Variants in MYO18B observed in about 807,000 individuals in gnomAD.
MYO18B encodes unconventional myosin-XVIIIb.
Under a neutral mutation model 273.0 loss-of-function variants are expected in MYO18B, and 204 were observed. The ratio of observed to expected loss-of-function variants is 0.75; its 90% CI spans 0.67 to 0.84. The LOEUF (loss-of-function observed/expected upper bound fraction) is 0.84. Among genes scored for constraint, MYO18B ranks in the 40% least tolerant of loss-of-function variants. MYO18B has a pLI of 0.00. For missense variants in MYO18B, 3,212 were observed against 3,287.6 expected (o/e 0.98, Z 0.56); for synonymous variants, 1,330 against 1,305.7 (o/e 1.02, Z -0.40).
intron 15 of MYO18B, among the ~76,000 whole-genome samples, chr22:25,829,956 A>G (rs2089648365): frequency 6.6e-6 from 1 of 152,200 alleles, no homozygotes; most frequent in Non-Finnish European, 1.5e-5. Context: ...GTGTGTCTCT[A>G]TCACCCACGT....
chr22:25,984,989 ATTG>A (rs1179656026), intron 39 of MYO18B, among the ~76,000 whole-genome samples: 1 of 152,196 alleles, frequency 6.6e-6, no homozygotes, highest in Non-Finnish European at 1.5e-5. Context: ...GACAGGAGGT[ATTG>A]TTGGGTATTT....
intron 10 of MYO18B, among the ~76,000 whole-genome samples, chr22:25,783,125 G>T (rs2087233133): frequency 6.6e-6 from 1 of 152,274 alleles, no homozygotes; most frequent in Non-Finnish European, 1.5e-5. Context: ...CAAATGCTTT[G>T]TGTGTGTGTG....
intron 28 of MYO18B, chr22:25,897,643 G>T (rs1387306585): frequency 6.6e-6 from 1 of 152,188 alleles, no homozygotes; most frequent in African/African-American, 2.4e-5. Flanking sequence ...AGAATTACAG[G>T]CTTCATTAAC....
In MYO18B at chr22:25,855,427, G is replaced by T. The variant is rs549403510; in HGVS notation, c.3885+3848G>T. 5.9e-4 allele frequency among the ~76,000 whole-genome samples: 89 copies of T among 151,952 alleles called. 1 individual carries two copies. The highest frequency in any genetic ancestry group is 2.0e-3 in the African/African-American group (84 of 41,470). ...GCCTCCTGAGTAGCTGGAACTTCAG[G>T]CGCCCGCCACCACGCCTGGCTAATT... On this transcript the variant is annotated intron_variant, in intron 21 of 43. Transcript: ENST00000335473.
chr22:25,949,746 A>G (rs757363351), intron 36 of MYO18B, among the ~76,000 whole-genome samples: 16 of 152,222 alleles, frequency 1.1e-4, no homozygotes, highest in Non-Finnish European at 5.9e-5. Flanking sequence ...CAAAGGCACT[A>G]TATGCATATG....
Position 25,835,417 on chromosome 22 carries a change from T to G in MYO18B, c.3182T>G (p.Phe1061Cys), listed in dbSNP as rs756323129. ...SVVLERLCAA[F>C]EKKGAGTEGS... ...GTGCTCGAGCGTCTGTGTGCTGCTT[T>G]CGAGAAGAAAGGAGCTGGGACTGAA... Residue 1061 changes from phenylalanine to cysteine, a missense_variant, in exon 17 of 44, where the codon TTC becomes TGC. Physicochemically the swap from Phe to Cys is radical, Grantham distance 205 (BLOSUM62 -2). Transcript: ENST00000335473. 6.2e-7 allele frequency: 1 copy of G among 1,613,880 alleles called. No homozygotes were observed. Among genetic ancestry groups the G allele is most frequent in the Non-Finnish European group, 8.5e-7 (1 of 1,179,866 alleles).
At chr22:26,017,429 A>G (rs1569298598) in intron 42 of MYO18B, among the ~76,000 whole-genome samples, 1 of 151,436 alleles carries the variant, frequency 6.6e-6, no homozygotes, top group Non-Finnish European at 1.5e-5. Flanking sequence ...CCCCTTATGA[A>G]AACAAGTTGA....
chr22:25,845,083 A>G (rs1285774500), intron 18 of MYO18B, among the ~76,000 whole-genome samples: 1 of 152,204 alleles, frequency 6.6e-6, no homozygotes, highest in African/African-American at 2.4e-5. Context: ...AGAAATGGGA[A>G]TGAGGTTCCA....
the MYO18B span, among the ~76,000 whole-genome samples, chr22:26,062,914 G>A: frequency 6.6e-6 from 1 of 152,162 alleles, no homozygotes; most frequent in Non-Finnish European, 1.5e-5. Flanking sequence ...GGAACACAGG[G>A]TAGCCTCCAT....
At chr22:25,802,817 C>T (rs1220911599) in intron 12 of MYO18B, among the ~76,000 whole-genome samples, 1 of 151,720 alleles carries the variant, frequency 6.6e-6, no homozygotes, top group Non-Finnish European at 1.5e-5. Context: ...ACACCCATCC[C>T]TAAGCAATGC....
chr22:25,825,016 GAT>G (rs146322754), intron 13 of MYO18B, among the ~76,000 whole-genome samples: 2 of 151,806 alleles, frequency 1.3e-5, no homozygotes, highest in Admixed American at 6.6e-5. Flanking sequence ...CATGTGCACA[GAT>G]ATATATATAA....
At chr22:25,995,591 G>A (rs1601786944) in intron 40 of MYO18B, among the ~76,000 whole-genome samples, 1 of 151,898 alleles carries the variant, frequency 6.6e-6, no homozygotes, top group East Asian at 1.9e-4. Flanking sequence ...AAGAAGCAAG[G>A]GACAGACATC....
chr22:25,834,154 C>CTT (rs560428053), intron 16 of MYO18B, among the ~76,000 whole-genome samples: 1 of 141,710 alleles, frequency 7.1e-6, no homozygotes, highest in African/African-American at 2.7e-5. Flanking sequence ...TTTTTTTTTT[C>CTT]TTTTTTTTTT....
chr22:25,865,687 T>C (rs2090865135), intron 21 of MYO18B, among the ~76,000 whole-genome samples: 1 of 152,062 alleles, frequency 6.6e-6, no homozygotes. Context: ...GTTTATGGAG[T>C]GATAAAACCA....
chr22:26,001,072 C>A (rs1396697370), intron 40 of MYO18B, among the ~76,000 whole-genome samples: 3 of 151,872 alleles, frequency 2.0e-5, no homozygotes, highest in Non-Finnish European at 4.4e-5. Flanking sequence ...CCTTTAGATT[C>A]TTCACTGTTT....
chr22:25,767,715 A>G (rs1007849440), intron 3 of MYO18B, among the ~76,000 whole-genome samples: 1 of 152,238 alleles, frequency 6.6e-6, no homozygotes, highest in Non-Finnish European at 1.5e-5. Context: ...AGGACACACT[A>G]TGCGCTGGGC....
At chr22:25,753,454 G>T (rs1224164318) in intron 1 of MYO18B, among the ~76,000 whole-genome samples, 1 of 152,190 alleles carries the variant, frequency 6.6e-6, no homozygotes, top group Non-Finnish European at 1.5e-5. Context: ...GGTCCAATCG[G>T]CAGGATGTGG....
rs1277652050 is a variant in MYO18B, at chr22:25,848,427, A to G, written c.3775+775A>G. Among the ~76,000 whole-genome samples, 3 of 152,222 alleles carry G rather than the reference A, an allele frequency of 2.0e-5. No individual in the cohort carries two copies. The East Asian group carries it at 5.8e-4, about 29-fold the overall frequency. On this transcript the variant is annotated intron_variant, in intron 20 of 43. Transcript: ENST00000335473. Reference sequence around the variant, plus strand: ...GGAGGGAACATTAGGCAGAGGGATCAGCAAGTATGAAGGATGGAGGCATAA... The same window carrying G: ...GGAGGGAACATTAGGCAGAGGGATCGGCAAGTATGAAGGATGGAGGCATAA...
chr22:26,021,993 A>G (rs1475943524), intron 42 of MYO18B, among the ~76,000 whole-genome samples: 3 of 152,114 alleles, frequency 2.0e-5, no homozygotes, highest in African/African-American at 7.2e-5. Flanking sequence ...GCTCTTTCCC[A>G]TAGCAGGTAT....
Sources: gnomAD v4.1 joint callset for allele counts (sites outside exome capture counted in the v4.1 genomes callset) on GRCh38, gnomAD v4.1.1 for gene constraint, MANE v1.5 for transcripts, NCBI Gene and HGNC (gene_info 2026-07-23, HGNC 2026-07-21) for gene names.